Variants in UBE2E2 observed in about 807,000 individuals in gnomAD.
The protein encoded by UBE2E2 is ubiquitin-conjugating enzyme E2 E2.
In UBE2E2, 6 loss-of-function variants were observed where a neutral mutation model predicts 24.7. The ratio of observed to expected loss-of-function variants is 0.24; its 90% CI spans 0.13 to 0.48. The LOEUF (loss-of-function observed/expected upper bound fraction) is 0.48, where lower values mean the gene tolerates loss of function less well. Among genes scored for constraint, UBE2E2 ranks in the 20% least tolerant of loss-of-function variants. UBE2E2 has a pLI of 0.99. For synonymous variants in UBE2E2, 104 were observed against 83.6 expected, an observed-to-expected ratio of 1.24 and a Z score of -1.33; for missense variants, 169 against 245.0, an observed-to-expected ratio of 0.69 and a Z score of 2.07.
At chr3:23,367,573 C>G (rs1339874303) in intron 3 of UBE2E2, among the ~76,000 whole-genome samples, 1 of 152,226 alleles carries the variant, frequency 6.6e-6, no homozygotes, top group Non-Finnish European at 1.5e-5. Flanking sequence ...CCCTTCCCCC[C>G]ATACCTTGCC....
intron 3 of UBE2E2, among the ~76,000 whole-genome samples, chr3:23,463,287 A>G (rs189062864): frequency 5.3e-5 from 8 of 152,218 alleles, no homozygotes; most frequent in African/African-American, 1.9e-4. Context: ...TAGTGGCTGC[A>G]CCCTAGGAAT....
intron 3 of UBE2E2, among the ~76,000 whole-genome samples, chr3:23,432,123 A>G (rs527948487): frequency 6.6e-5 from 10 of 152,298 alleles, no homozygotes; most frequent in Admixed American, 2.6e-4. Context: ...TTCTCTTTCT[A>G]TGTTTTGTCA....
In UBE2E2 at chr3:23,416,628, T is replaced by A. The variant is rs577240119; in HGVS notation, c.228-82980T>A. Among the ~76,000 whole-genome samples, 494 of 152,332 alleles carry A rather than the reference T, an allele frequency of 3.2e-3. 2 individuals carry two copies. Among genetic ancestry groups the A allele is most frequent in the Non-Finnish European group, 4.9e-3 (334 of 68,026 alleles). ...GCTAGTTTGGGGAAGTTCTCCTGGA[T>A]AATATCCTGCAGTGTTTTCCAACTT... is the stretch of plus-strand genomic sequence containing the variant. On this transcript the variant is annotated intron_variant, in intron 3 of 5. Coordinates refer to ENST00000396703, the MANE Select transcript of UBE2E2 (RefSeq NM_152653.4).
Position 23,569,358 on chromosome 3 carries a change from C to T in UBE2E2, c.509-20376C>T, listed in dbSNP as rs138101872. 2.9e-3 allele frequency among the ~76,000 whole-genome samples: 442 copies of T among 152,214 alleles called. 3 individuals carry two copies. The highest frequency in any genetic ancestry group is 0.01 in the African/African-American group (432 of 41,542). On this transcript the variant is annotated intron_variant, in intron 5 of 5. Transcript: ENST00000396703. ...AGCGGGGAGTAACTGCTAATGGGTACAGGGTTTCTTTTTGGAATGACAAAA... is the reference window on the plus strand; with the variant it reads ...AGCGGGGAGTAACTGCTAATGGGTATAGGGTTTCTTTTTGGAATGACAAAA...
chr3:23,223,981 C>A (rs1247984363), intron 3 of UBE2E2, among the ~76,000 whole-genome samples: 40 of 152,042 alleles, frequency 2.6e-4, no homozygotes, highest in Admixed American at 2.6e-3. Flanking sequence ...TACCTGAGTT[C>A]TCTCATCTGT....
chr3:23,470,199 C>G lies in UBE2E2; in HGVS notation c.228-29409C>G, dbSNP rs1699004930. 1.3e-5 allele frequency among the ~76,000 whole-genome samples: 2 copies of G among 152,328 alleles called. 1 individual carries two copies. The highest frequency in any genetic ancestry group is 4.1e-4 in the South Asian group (2 of 4,832). On this transcript the variant is annotated intron_variant, in intron 3 of 5. Transcript: ENST00000396703. Reference sequence around the variant, plus strand: ...TAGAGTTTCAAAAGAGATACTGTTACTGTGCCCCTCCTTTTCCCACTCTGT... The same window carrying G: ...TAGAGTTTCAAAAGAGATACTGTTAGTGTGCCCCTCCTTTTCCCACTCTGT...
chr3:23,347,294 G>C (rs1695586550), intron 3 of UBE2E2, among the ~76,000 whole-genome samples: 1 of 152,144 alleles, frequency 6.6e-6, no homozygotes, highest in African/African-American at 2.4e-5. Flanking sequence ...CAGAGACTTG[G>C]AACCAACCCA....
At chr3:23,449,681 G>C (rs1698514088) in intron 3 of UBE2E2, among the ~76,000 whole-genome samples, 1 of 152,048 alleles carries the variant, frequency 6.6e-6, no homozygotes, top group Non-Finnish European at 1.5e-5. Flanking sequence ...TTTTTCCTAG[G>C]GGACTCAGGG....
chr3:23,505,311 G>A (rs1694421724), intron 4 of UBE2E2, among the ~76,000 whole-genome samples: 1 of 152,040 alleles, frequency 6.6e-6, no homozygotes, highest in Non-Finnish European at 1.5e-5. Context: ...AAATGCATAG[G>A]GGTAACGCAT....
chr3:23,548,499 A>G (rs939003614), intron 5 of UBE2E2, among the ~76,000 whole-genome samples: 10 of 152,210 alleles, frequency 6.6e-5, no homozygotes, highest in African/African-American at 2.4e-4. Flanking sequence ...AGTCACTAAG[A>G]TGGAGCCAAT....
intron 3 of UBE2E2, among the ~76,000 whole-genome samples, chr3:23,373,386 C>T (rs1212188301): frequency 6.6e-6 from 1 of 152,180 alleles, no homozygotes; most frequent in Non-Finnish European, 1.5e-5. Flanking sequence ...CCATTCATTT[C>T]CAGCCACTGC....
intron 3 of UBE2E2, among the ~76,000 whole-genome samples, chr3:23,418,956 CTTT>C (rs11399749): frequency 1.4e-5 from 2 of 141,384 alleles, no homozygotes; most frequent in African/African-American, 2.6e-5. Flanking sequence ...ACAAATGTTA[CTTT>C]TTTTTTTTTT....
intron 3 of UBE2E2, among the ~76,000 whole-genome samples, chr3:23,392,710 G>GGCAATAATAAAATACA (rs1210265920): frequency 5.3e-5 from 8 of 152,122 alleles, no homozygotes; most frequent in African/African-American, 1.9e-4. Context: ...TAAAATGTTA[G>GGCAATAATAAAATACA]CTCTTTTTAT....
At chr3:23,233,751 A>T (rs546840274) in intron 3 of UBE2E2, among the ~76,000 whole-genome samples, 4 of 152,228 alleles carry the variant, frequency 2.6e-5, no homozygotes, top group Admixed American at 2.6e-4. Flanking sequence ...TAGCAGACTT[A>T]CTCAGTTCTT....
chr3:23,276,439 T>C (rs934918990), intron 3 of UBE2E2, among the ~76,000 whole-genome samples: 2 of 152,184 alleles, frequency 1.3e-5, no homozygotes, highest in African/African-American at 2.4e-5. Flanking sequence ...TACGTTAGCA[T>C]AGAACTCCCT....
chr3:23,357,301 C>G lies in UBE2E2; in HGVS notation c.227+139989C>G, dbSNP rs572865480. ...ATAATGGTGTTTGTTACCGTAAGTG[C>G]TTTTTTTAATCTACCCATTGTCTAA... On this transcript the variant is annotated intron_variant, in intron 3 of 5. Coordinates refer to ENST00000396703, the MANE Select transcript of UBE2E2 (RefSeq NM_152653.4). 6.1e-4 allele frequency among the ~76,000 whole-genome samples: 93 copies of G among 152,090 alleles called. 1 individual carries two copies. In the South Asian group the frequency reaches 6.2e-3, roughly 10 times the overall value.
chr3:23,333,789 C>G (rs972369762), intron 3 of UBE2E2, among the ~76,000 whole-genome samples: 1 of 151,978 alleles, frequency 6.6e-6, no homozygotes, highest in East Asian at 1.9e-4. Context: ...AGAGATATAT[C>G]TGATATATGT....
At chr3:23,380,432 C>A (rs1293690125) in intron 3 of UBE2E2, among the ~76,000 whole-genome samples, 1 of 152,106 alleles carries the variant, frequency 6.6e-6, no homozygotes, top group Non-Finnish European at 1.5e-5. Context: ...TGCTATGTTG[C>A]TCAGGCTGGT....
chr3:23,204,809 G>A (rs1463839751), intron 1 of UBE2E2: 2 of 951,344 alleles, frequency 2.1e-6, no homozygotes, highest in African/African-American at 1.8e-5. Flanking sequence ...TTTTAGAAAA[G>A]TTTAGAAACA....
Sources: allele counts gnomAD v4.1 joint callset (sites outside exome capture counted in the v4.1 genomes callset), GRCh38; gene constraint gnomAD v4.1.1; transcripts MANE v1.5; gene names NCBI Gene and HGNC (gene_info 2026-07-23, HGNC 2026-07-21).